The following SLC25A53 variants were observed in gnomAD, a reference collection of about 807,000 sequenced individuals.
SLC25A53 encodes solute carrier family 25 member 53.
A neutral mutation model predicts 15.0 loss-of-function variants in SLC25A53; 5 were observed. That is an observed-to-expected ratio of 0.33 (90% CI 0.17 to 0.70). The LOEUF is 0.70. SLC25A53 is among the 30% of genes least tolerant of loss of function. SLC25A53 has a pLI of 0.67. For missense variants in SLC25A53, 216 were observed against 241.6 expected, an observed-to-expected ratio of 0.89 and a Z score of 0.70; for synonymous variants, 95 against 100.0, an observed-to-expected ratio of 0.95 and a Z score of 0.30.
Position 104,102,440 on chromosome X carries a change from A to T in SLC25A53, c.*1894T>A, listed in dbSNP as rs1384298696. The T allele has an allele frequency of 8.9e-6, 1 of 112,676 alleles. No homozygotes were observed. The highest frequency in any genetic ancestry group is 1.9e-5 in the Non-Finnish European group (1 of 53,376). 9.3% of individuals were successfully genotyped at this position (112,676 alleles called of 1,213,427 possible). On this transcript the variant is annotated 3_prime_UTR_variant, in exon 2 of 2. Transcript: ENST00000594199. ...AACATGCCATCAGTAATATAAACTC[A>T]TCAAATGTGCCAGTTGAAAGTAATT...
chrX:104,156,992 A>T lies in SLC25A53; in HGVS notation c.-146T>A, dbSNP rs2075503808. The T allele has an allele frequency of 9.0e-6, 1 of 110,993 alleles. No individual in the cohort carries two copies. Among genetic ancestry groups the T allele is most frequent in the South Asian group, 3.8e-4 (1 of 2,606 alleles). The allele number at this position is 110,993 out of a possible 1,213,427, so 9.1% of individuals were successfully genotyped here. The stretch of plus-strand genomic sequence containing the variant: ...CCCATCCGCCGCCCTCACTTAAGCG[A>T]CGCACAACGGAGCTCCCACAATCCT... On this transcript the variant is annotated 5_prime_UTR_variant, in exon 1 of 2. Coordinates refer to ENST00000594199, the MANE Select transcript of SLC25A53 (RefSeq NM_001012755.5).
chrX:104,138,302 G>C (rs1292575087), intron 1 of SLC25A53, among the ~76,000 whole-genome samples: 1 of 112,137 alleles, frequency 8.9e-6, no homozygotes, highest in Non-Finnish European at 1.9e-5. Flanking sequence ...AGTTACTGGG[G>C]AGGCTGAGAT....
chrX:104,132,630 AT>A (rs1245463183), intron 1 of SLC25A53, among the ~76,000 whole-genome samples: 80 of 111,278 alleles, frequency 7.2e-4, no homozygotes, highest in Non-Finnish European at 1.2e-3. Context: ...CCTGGACAAA[AT>A]TTTTTTTTAA....
chrX:104,125,975 A>C (rs990819511), intron 1 of SLC25A53, among the ~76,000 whole-genome samples: 2 of 112,002 alleles, frequency 1.8e-5, no homozygotes, highest in African/African-American at 6.5e-5. Context: ...TGGATTTAAC[A>C]TAATTACTAT....
At chrX:104,128,816 T>G (rs2075418173) in intron 1 of SLC25A53, among the ~76,000 whole-genome samples, 1 of 111,203 alleles carries the variant, frequency 9.0e-6, no homozygotes. Flanking sequence ...GTATAGTTGA[T>G]TCATTATTTG....
At chrX:104,140,091 T>C (rs1293978585) in intron 1 of SLC25A53, among the ~76,000 whole-genome samples, 2 of 112,073 alleles carry the variant, frequency 1.8e-5, no homozygotes, top group Non-Finnish European at 3.8e-5. Flanking sequence ...GTCTTGAATT[T>C]TTTATGACTA....
At chrX:104,111,753 C>A (rs552522147) in intron 1 of SLC25A53, among the ~76,000 whole-genome samples, 9 of 111,776 alleles carry the variant, frequency 8.1e-5, no homozygotes, top group East Asian at 2.8e-4. Context: ...GAGCAACAGA[C>A]GGTGCTAGGT....
chrX:104,140,967 C>T (rs1461190176), intron 1 of SLC25A53, among the ~76,000 whole-genome samples: 2 of 111,557 alleles, frequency 1.8e-5, no homozygotes, highest in Non-Finnish European at 3.8e-5. Context: ...TTATTTCATA[C>T]GGAGATCTGA....
chrX:104,115,407 A>G, intron 1 of SLC25A53: 1 of 924,211 alleles, frequency 1.1e-6, no homozygotes, highest in Non-Finnish European at 1.5e-6. Flanking sequence ...TGGGTTTCTA[A>G]CTGCATGAAT....
intron 1 of SLC25A53, among the ~76,000 whole-genome samples, chrX:104,111,541 A>G (rs781844538): frequency 9.0e-6 from 1 of 111,690 alleles, no homozygotes; most frequent in Non-Finnish European, 1.9e-5. Context: ...GAAAGAAAGA[A>G]AAGTACCAAG....
chrX:104,154,929 G>A (rs111298070), intron 1 of SLC25A53, among the ~76,000 whole-genome samples: 1 of 111,430 alleles, frequency 9.0e-6, no homozygotes, highest in South Asian at 3.7e-4. Context: ...TTTAGGTGAT[G>A]AATATGTTAT....
At chrX:104,110,249 G>C (rs1239708888) in intron 1 of SLC25A53, among the ~76,000 whole-genome samples, 8 of 111,415 alleles carry the variant, frequency 7.2e-5, no homozygotes, top group African/African-American at 2.3e-4. Flanking sequence ...TCACGGGATG[G>C]GGGAGCAGAA....
intron 1 of SLC25A53, among the ~76,000 whole-genome samples, chrX:104,124,846 T>A (rs2075405666): frequency 1.1e-5 from 1 of 93,601 alleles, no homozygotes; most frequent in Admixed American, 1.2e-4. Flanking sequence ...TTCCTTTTTT[T>A]TTTTTTTTTT....
At position 104,104,988 on chromosome X, in the gene SLC25A53, C is replaced by T; in HGVS notation, c.270G>A (p.Leu90=). 1 of 1,211,648 alleles carries T rather than the reference C, an allele frequency of 8.3e-7. No homozygotes were observed. The highest frequency in any genetic ancestry group is 1.1e-6 in the Non-Finnish European group (1 of 895,524). Residue 90 remains leucine (L), a synonymous_variant, in exon 2 of 2, where the codon TTG becomes TTA. Coordinates refer to ENST00000594199, the MANE Select transcript of SLC25A53 (RefSeq NM_001012755.5). Reference sequence around the variant, plus strand: ...AAGTCCCAAACAGAAGAGTCCCTTGCAACGTCTTGGAGAGAAGAGGAGGGT... The same window carrying T: ...AAGTCCCAAACAGAAGAGTCCCTTGTAACGTCTTGGAGAGAAGAGGAGGGT... The part of the protein sequence containing the change: ...GIYPPLLSKT[L]QGTLLFGTYD...
chrX:104,153,960 G>T (rs1230071908), intron 1 of SLC25A53, among the ~76,000 whole-genome samples: 1 of 112,051 alleles, frequency 8.9e-6, no homozygotes, highest in Non-Finnish European at 1.9e-5. Flanking sequence ...GACCCCAAAA[G>T]CTCAAATAAC....
At chrX:104,128,649 C>T (rs1040317804) in intron 1 of SLC25A53, among the ~76,000 whole-genome samples, 12 of 111,463 alleles carry the variant, frequency 1.1e-4, no homozygotes, top group Admixed American at 2.9e-4. Flanking sequence ...CCTCACACTA[C>T]ACTTTAAGAA....
At chrX:104,146,326 A>G (rs2075466698) in intron 1 of SLC25A53, among the ~76,000 whole-genome samples, 1 of 112,129 alleles carries the variant, frequency 8.9e-6, no homozygotes, top group Non-Finnish European at 1.9e-5. Context: ...AGAGCTATTT[A>G]TGACAAACCC....
chrX:104,155,577 C>G (rs1478957933), intron 1 of SLC25A53, among the ~76,000 whole-genome samples: 1 of 111,475 alleles, frequency 9.0e-6, no homozygotes, highest in Non-Finnish European at 1.9e-5. Flanking sequence ...CTTAGGATTT[C>G]TGGTGGGTGC....
At chrX:104,154,870 A>G (rs1398431225) in intron 1 of SLC25A53, among the ~76,000 whole-genome samples, 3 of 112,013 alleles carry the variant, frequency 2.7e-5, no homozygotes, top group Non-Finnish European at 5.6e-5. Context: ...ACCACAAAAA[A>G]ACTATTAAAT....
Sources: gnomAD v4.1 joint callset for allele counts (sites outside exome capture counted in the v4.1 genomes callset) on GRCh38, gnomAD v4.1.1 for gene constraint, MANE v1.5 for transcripts, NCBI Gene and HGNC (gene_info 2026-07-23, HGNC 2026-07-21) for gene names.